AGO3: variants seen among roughly 807,000 people sequenced by gnomAD.
AGO3 encodes argonaute RISC catalytic component 3, also known as protein argonaute-3.
Under a neutral mutation model 105.5 loss-of-function variants are expected in AGO3, and 16 were observed. That is an observed-to-expected ratio of 0.15 (90% confidence interval 0.10 to 0.23). The LOEUF (loss-of-function observed/expected upper bound fraction) is 0.23. AGO3 is among the 10% of genes least tolerant of loss of function. The probability of loss-of-function intolerance (pLI) is 1.00; values close to 1 mark genes in which losing one functional copy is unlikely to be tolerated. For synonymous variants in AGO3, 340 were observed against 367.3 expected (o/e 0.93, Z 0.85); for missense variants, 534 against 1,088.0 (o/e 0.49, Z 7.16).
At chr1:35,949,264 G>A (rs1646426395) in intron 2 of AGO3, among the ~76,000 whole-genome samples, 1 of 152,158 alleles carries the variant, frequency 6.6e-6, no homozygotes, top group African/African-American at 2.4e-5. Context: ...AGGAACTGTA[G>A]GACTTGTTTG....
chr1:35,974,039 C>T (rs1287302143), intron 5 of AGO3, among the ~76,000 whole-genome samples: 3 of 152,070 alleles, frequency 2.0e-5, no homozygotes, highest in East Asian at 1.9e-4. Flanking sequence ...TTGCGTAATC[C>T]GAGTACATTT....
chr1:36,052,898 G>A (rs1415500652), intron 17 of AGO3, among the ~76,000 whole-genome samples: 1 of 152,116 alleles, frequency 6.6e-6, no homozygotes, highest in Non-Finnish European at 1.5e-5. Flanking sequence ...TGTAGTCCCA[G>A]CTACTCCGGA....
chr1:35,991,492 T>C (rs1001294068), intron 5 of AGO3, among the ~76,000 whole-genome samples: 2 of 149,980 alleles, frequency 1.3e-5, no homozygotes, highest in Admixed American at 1.3e-4. Context: ...TTTTAAAAAA[T>C]TTTCAGAATC....
chr1:35,993,776 C>A (rs1647940513), intron 5 of AGO3, among the ~76,000 whole-genome samples: 1 of 105,696 alleles, frequency 9.5e-6, no homozygotes, highest in Non-Finnish European at 1.7e-5. Context: ...GAGACAGAGT[C>A]TTGCTCTGTC....
At chr1:35,942,374 T>G (rs1402614230) in intron 1 of AGO3, among the ~76,000 whole-genome samples, 1 of 152,216 alleles carries the variant, frequency 6.6e-6, no homozygotes, top group Non-Finnish European at 1.5e-5. Flanking sequence ...TTTGTCAGGT[T>G]TTAGTACCAG....
intron 2 of AGO3, among the ~76,000 whole-genome samples, chr1:35,956,644 T>G (rs932432440): frequency 2.2e-4 from 33 of 151,156 alleles, no homozygotes; most frequent in African/African-American, 7.3e-4. Flanking sequence ...TTTGTTTTTT[T>G]TTTTTTTTCT....
rs1040340826 is a variant in AGO3, at chr1:36,071,945, G to A, written c.*16200G>A. 6.6e-6 allele frequency: 1 copy of A among 152,128 alleles called. No homozygotes were observed. The highest frequency in any genetic ancestry group is 2.4e-5 in the African/African-American group (1 of 41,422). 9.4% of individuals were successfully genotyped at this position (152,128 alleles called of 1,614,324 possible). On this transcript the variant is annotated 3_prime_UTR_variant, in exon 19 of 19. Coordinates refer to ENST00000373191, the MANE Select transcript of AGO3 (RefSeq NM_024852.4). ...GCTGAATCCTATCACTGTGTTCTTGGGGGCCAGGCCTTGGATTTGGTTGTC... is the reference window on the plus strand; with the variant it reads ...GCTGAATCCTATCACTGTGTTCTTGAGGGCCAGGCCTTGGATTTGGTTGTC...
intron 1 of AGO3, among the ~76,000 whole-genome samples, chr1:35,941,013 C>T (rs1282927236): frequency 6.6e-6 from 1 of 152,212 alleles, no homozygotes. Flanking sequence ...GACCTCTCCT[C>T]TGAACTCCAC....
chr1:35,977,690 G>A (rs1049769731), intron 5 of AGO3, among the ~76,000 whole-genome samples: 6 of 152,236 alleles, frequency 3.9e-5, no homozygotes, highest in African/African-American at 1.4e-4. Flanking sequence ...ACCGTGCCCA[G>A]CTAGTTTCTA....
chr1:36,003,327 G>A (rs896662716), intron 5 of AGO3, among the ~76,000 whole-genome samples: 1 of 152,046 alleles, frequency 6.6e-6, no homozygotes, highest in Non-Finnish European at 1.5e-5. Flanking sequence ...AAAACCCATG[G>A]TTAAGAAATC....
chr1:35,990,088 A>T (rs1468344719), intron 5 of AGO3, among the ~76,000 whole-genome samples: 1 of 152,178 alleles, frequency 6.6e-6, no homozygotes, highest in Non-Finnish European at 1.5e-5. Flanking sequence ...CATAGTTTAT[A>T]TTTAAAGCGG....
chr1:35,952,148 C>CTT (rs869309731), intron 2 of AGO3, among the ~76,000 whole-genome samples: 2 of 18,038 alleles, frequency 1.1e-4, no homozygotes, highest in East Asian at 2.9e-3. Context: ...TTCTTTCTTT[C>CTT]TTTTTTTTTT....
At chr1:35,967,123 C>G in intron 3 of AGO3, 48 bp downstream of exon 3, 9 of 1,571,304 alleles carry the variant, frequency 5.7e-6, no homozygotes, top group Non-Finnish European at 7.7e-6. Flanking sequence ...TGAAGTGTCT[C>G]CTTTTACACG....
chr1:36,036,054 T>G, intron 13 of AGO3, 123 bp from the exon 14 acceptor site: 1 of 652,598 alleles, frequency 1.5e-6, no homozygotes, highest in South Asian at 2.7e-5. Flanking sequence ...AAAAAAAAAA[T>G]TTGGATTACA....
chr1:36,058,005 G>C lies in AGO3; in HGVS notation c.*2260G>C, dbSNP rs987515476. 1.3e-5 allele frequency: 2 copies of C among 152,128 alleles called. No homozygotes were observed. The highest frequency in any genetic ancestry group is 1.3e-4 in the Admixed American group (2 of 15,266). The allele number at this position is 152,128 out of a possible 1,614,324, so 9.4% of individuals were successfully genotyped here. On this transcript the variant is annotated 3_prime_UTR_variant, in exon 19 of 19. Transcript: ENST00000373191. ...AAAAAAAAATCATAATGAAAATGAAGTGAAATTGCCTAAATGAGTCCAACT... is the reference window on the plus strand; with the variant it reads ...AAAAAAAAATCATAATGAAAATGAACTGAAATTGCCTAAATGAGTCCAACT...
Position 36,060,402 on chromosome 1 carries a change from G to T in AGO3, c.*4657G>T, listed in dbSNP as rs896894083. ...GTGAGCGCTAAGCATGCCAGTGATGGATCCGAAGTATTTAGATGGATTGCA... is the reference window on the plus strand; with the variant it reads ...GTGAGCGCTAAGCATGCCAGTGATGTATCCGAAGTATTTAGATGGATTGCA... On this transcript the variant is annotated 3_prime_UTR_variant, in exon 19 of 19. Transcript: ENST00000373191. 6.6e-6 allele frequency: 1 copy of T among 152,240 alleles called. No individual in the cohort carries two copies. Among genetic ancestry groups the T allele is most frequent in the South Asian group, 2.1e-4 (1 of 4,836 alleles). The allele number at this position is 152,240 out of a possible 1,614,324, so 9.4% of individuals were successfully genotyped here.
intron 11 of AGO3, among the ~76,000 whole-genome samples, chr1:36,016,958 C>T (rs915336259): frequency 1.2e-4 from 18 of 152,122 alleles, no homozygotes; most frequent in African/African-American, 4.3e-4. Flanking sequence ...AAATTCCTCC[C>T]TTTTGGTTAG....
intron 11 of AGO3, among the ~76,000 whole-genome samples, chr1:36,022,126 C>T (rs1326683235): frequency 7.6e-6 from 1 of 131,314 alleles, no homozygotes; most frequent in Non-Finnish European, 1.5e-5. Flanking sequence ...AGTGCAGTGG[C>T]GTGACCATGG....
chr1:35,971,505 A>G (rs1422511101), intron 3 of AGO3, among the ~76,000 whole-genome samples: 2 of 151,538 alleles, frequency 1.3e-5, no homozygotes, highest in Non-Finnish European at 2.9e-5. Flanking sequence ...TATGCTTCCA[A>G]ATTTCAAAAG....
Sources: allele counts gnomAD v4.1 joint callset (sites outside exome capture counted in the v4.1 genomes callset), GRCh38; gene constraint gnomAD v4.1.1; transcripts MANE v1.5; gene names NCBI Gene and HGNC (gene_info 2026-07-23, HGNC 2026-07-21).